SLC6A17: variants seen among roughly 807,000 people sequenced by gnomAD.
SLC6A17 encodes the protein solute carrier family 6 member 17.
Under a neutral mutation model 64.5 loss-of-function variants are expected in SLC6A17, and 21 were observed. That is an observed-to-expected ratio of 0.33 (90% CI 0.23 to 0.47). The LOEUF (loss-of-function observed/expected upper bound fraction) is 0.47, where lower values mean the gene tolerates loss of function less well. SLC6A17 is among the 20% of genes least tolerant of loss of function. The probability of loss-of-function intolerance (pLI) is 1.00; values close to 1 mark genes in which losing one functional copy is unlikely to be tolerated. For missense variants in SLC6A17, 682 were observed against 963.2 expected (o/e 0.71, Z 3.86); for synonymous variants, 372 against 399.5 (o/e 0.93, Z 0.82).
chr1:110,166,568 G>A (rs1372849570), intron 1 of SLC6A17, among the ~76,000 whole-genome samples: 2 of 152,172 alleles, frequency 1.3e-5, no homozygotes, highest in Admixed American at 6.5e-5. Context: ...CACGGATAAT[G>A]CTCTACTTGG....
chr1:110,180,402 C>T (rs1403612161), intron 6 of SLC6A17, among the ~76,000 whole-genome samples: 1 of 152,208 alleles, frequency 6.6e-6, no homozygotes, highest in Non-Finnish European at 1.5e-5. Context: ...CAGCACACTA[C>T]TGCTAATCTG....
chr1:110,169,072 TA>T (rs1557832782), intron 2 of SLC6A17, among the ~76,000 whole-genome samples: 1 of 152,216 alleles, frequency 6.6e-6, no homozygotes, highest in Non-Finnish European at 1.5e-5. Flanking sequence ...CAAGTTGTCT[TA>T]AATATTTTTT....
At chr1:110,165,131 C>T (rs926851709) in intron 1 of SLC6A17, among the ~76,000 whole-genome samples, 6 of 152,156 alleles carry the variant, frequency 3.9e-5, no homozygotes, top group Non-Finnish European at 1.5e-5. Context: ...TGTTTGCATG[C>T]CCTGCAGACG....
intron 6 of SLC6A17, among the ~76,000 whole-genome samples, chr1:110,184,248 C>G (rs1286437454): frequency 6.6e-6 from 1 of 152,082 alleles, no homozygotes; most frequent in Non-Finnish European, 1.5e-5. Flanking sequence ...GTAGCTGGGA[C>G]TACAGGCATG....
intron 6 of SLC6A17, among the ~76,000 whole-genome samples, chr1:110,191,732 C>T (rs1245221612): frequency 2.6e-5 from 4 of 152,178 alleles, no homozygotes; most frequent in Non-Finnish European, 5.9e-5. Context: ...AAGCACTCAG[C>T]ATTTATGTTG....
chr1:110,161,483 C>G (rs1002889420), intron 1 of SLC6A17, among the ~76,000 whole-genome samples: 1 of 152,092 alleles, frequency 6.6e-6, no homozygotes, highest in East Asian at 1.9e-4. Context: ...GCCACTCTTT[C>G]CAGAGCCACA....
chr1:110,183,901 A>G (rs890266307), intron 6 of SLC6A17, among the ~76,000 whole-genome samples: 4 of 152,086 alleles, frequency 2.6e-5, no homozygotes, highest in African/African-American at 9.7e-5. Context: ...AGTGTGAAGT[A>G]ACTGTGTAAG....
intron 2 of SLC6A17, among the ~76,000 whole-genome samples, chr1:110,170,817 T>G (rs1656202610): frequency 6.6e-6 from 1 of 152,170 alleles, no homozygotes; most frequent in African/African-American, 2.4e-5. Flanking sequence ...AGCATGTATG[T>G]GCATGGTTGG....
At position 110,181,058 on chromosome 1, in the gene SLC6A17, G is replaced by A. The variant is rs948689897; in HGVS notation, c.864+4319G>A. On this transcript the variant is annotated intron_variant, in intron 6 of 11. Coordinates refer to ENST00000331565, the MANE Select transcript of SLC6A17 (RefSeq NM_001010898.4). ...GCTGCCATGATGACCCATTAGCATCGTTGGTAGGACAGTAACTCGTGTTGA... is the reference window on the plus strand; with the variant it reads ...GCTGCCATGATGACCCATTAGCATCATTGGTAGGACAGTAACTCGTGTTGA... 4.6e-5 allele frequency among the ~76,000 whole-genome samples: 7 copies of A among 152,152 alleles called. No homozygotes were observed. The South Asian group carries it at 6.2e-4, about 14-fold the overall frequency.
intron 2 of SLC6A17, among the ~76,000 whole-genome samples, chr1:110,170,048 C>T (rs951573663): frequency 3.9e-5 from 6 of 152,000 alleles, no homozygotes; most frequent in African/African-American, 1.4e-4. Context: ...CACTCTTTGG[C>T]GGCAGTTACC....
intron 2 of SLC6A17, among the ~76,000 whole-genome samples, chr1:110,167,435 G>C (rs1457870644): frequency 6.6e-6 from 1 of 152,148 alleles, no homozygotes; most frequent in Non-Finnish European, 1.5e-5. Context: ...CAGACTGCCT[G>C]GGTTCAGATT....
intron 9 of SLC6A17, 110 bp downstream of exon 9, chr1:110,194,881 A>G (rs1656920994): frequency 1.5e-6 from 2 of 1,341,160 alleles, no homozygotes; most frequent in Admixed American, 1.9e-5. Flanking sequence ...AGAAGGCTCC[A>G]CCCCACACTG....
At chr1:110,193,945 C>A (rs989401016) in intron 8 of SLC6A17, among the ~76,000 whole-genome samples, 1 of 152,214 alleles carries the variant, frequency 6.6e-6, no homozygotes, top group Non-Finnish European at 1.5e-5. Context: ...GTGTAAGTGA[C>A]AGGGGGCAGT....
chr1:110,181,968 G>A (rs1024040789), intron 6 of SLC6A17, among the ~76,000 whole-genome samples: 20 of 152,172 alleles, frequency 1.3e-4, no homozygotes, highest in Admixed American at 8.5e-4. Context: ...GGGAGCCATC[G>A]AGAGTTCTCA....
chr1:110,192,632 C>T lies in SLC6A17; in HGVS notation c.1233C>T (p.Thr411=), dbSNP rs770809356. ...DYMEMYNVIM[T]VKEDQFSALG... is the part of the protein sequence containing the mutation. ...TGGAGATGTACAATGTCATCATGAC[C>T]GTGAAGGAGGACCAGTTCTCAGCCC... Residue 411 remains threonine (T), a synonymous_variant, in exon 8 of 12, where the codon ACC becomes ACT. Transcript: ENST00000331565. The surrounding 1 kb of genome is among the most constrained non-coding windows in gnomAD (Gnocchi z 4.3). 6.8e-6 allele frequency: 11 copies of T among 1,614,044 alleles called. No individual in the cohort carries two copies. Among genetic ancestry groups the T allele is most frequent in the Middle Eastern group, 1.6e-4 (1 of 6,082 alleles).
intron 6 of SLC6A17, among the ~76,000 whole-genome samples, chr1:110,182,862 C>T (rs761743483): frequency 1.3e-5 from 2 of 151,666 alleles, no homozygotes; most frequent in South Asian, 4.2e-4. Context: ...AAAATGGGAG[C>T]GAGGAATTGG....
At chr1:110,183,273 G>T (rs1450800672) in intron 6 of SLC6A17, among the ~76,000 whole-genome samples, 1 of 152,178 alleles carries the variant, frequency 6.6e-6, no homozygotes, top group East Asian at 1.9e-4. Flanking sequence ...CATACAGTGG[G>T]ATATTATCCA....
intron 1 of SLC6A17, among the ~76,000 whole-genome samples, chr1:110,156,326 G>A (rs1296683459): frequency 6.6e-6 from 1 of 152,200 alleles, no homozygotes; most frequent in African/African-American, 2.4e-5. Context: ...AAGGCTGCAT[G>A]GTGCACTGCA....
Position 110,200,938 on chromosome 1 carries a change from C to G in SLC6A17, c.*2494C>G, listed in dbSNP as rs983634845. ...GCTCTATTGGGAGCCTCAGGGCCGGCAGGGTGCTTCGGGAGCCCCCTGCTA... is the reference window on the plus strand; with the variant it reads ...GCTCTATTGGGAGCCTCAGGGCCGGGAGGGTGCTTCGGGAGCCCCCTGCTA... On this transcript the variant is annotated 3_prime_UTR_variant, in exon 12 of 12. Transcript: ENST00000331565. 1 of 152,138 alleles carries G rather than the reference C, an allele frequency of 6.6e-6. No homozygotes were observed. The highest frequency in any genetic ancestry group is 2.4e-5 in the African/African-American group (1 of 41,384). The allele number at this position is 152,138 out of a possible 1,614,324, so 9.4% of individuals were successfully genotyped here. A position where few individuals can be genotyped will look rare whatever the true frequency, so the allele number is the denominator to read the frequency against.
Sources: gnomAD v4.1 joint callset for allele counts (sites outside exome capture counted in the v4.1 genomes callset) on GRCh38, gnomAD v4.1.1 for gene constraint, Gnocchi (gnomAD v3.1) non-coding constraint, MANE v1.5 for transcripts, NCBI Gene and HGNC (gene_info 2026-07-23, HGNC 2026-07-21) for gene names.